Variants in NUP58 observed in about 807,000 individuals in gnomAD.
NUP58 encodes nucleoporin p58/p45.
A neutral mutation model predicts 70.1 loss-of-function variants in NUP58; 17 were observed. That is an observed-to-expected ratio of 0.24 (90% CI 0.17 to 0.36). The LOEUF (loss-of-function observed/expected upper bound fraction) is 0.36. Among genes scored for constraint, NUP58 ranks in the 10% least tolerant of loss-of-function variants. The pLI is 1.00. For synonymous variants in NUP58, 275 were observed against 257.6 expected (o/e 1.07, Z -0.65); for missense variants, 644 against 701.5 (o/e 0.92, Z 0.93).
chr13:25,307,556 G>A (rs1430089365), intron 1 of NUP58, among the ~76,000 whole-genome samples: 1 of 152,058 alleles, frequency 6.6e-6, no homozygotes, highest in Non-Finnish European at 1.5e-5. Context: ...TTTACATGTG[G>A]ATTTATTTTT....
At chr13:25,307,562 T>A (rs2030434680) in intron 1 of NUP58, among the ~76,000 whole-genome samples, 1 of 151,190 alleles carries the variant, frequency 6.6e-6, no homozygotes, top group Non-Finnish European at 1.5e-5. Context: ...TGTGGATTTA[T>A]TTTTTTTTAA....
At chr13:25,335,645 G>A (rs1158173555) in intron 13 of NUP58, 3 of 984,966 alleles carry the variant, frequency 3.0e-6, no homozygotes, top group Non-Finnish European at 3.6e-6. Flanking sequence ...TGTTTTCTGG[G>A]TTAGAAGCTA....
intron 10 of NUP58, among the ~76,000 whole-genome samples, chr13:25,325,817 C>T (rs556687021): frequency 6.8e-4 from 103 of 152,300 alleles, no homozygotes; most frequent in African/African-American, 2.4e-3. Flanking sequence ...GCCTCAGACT[C>T]CTAAAGTGCT....
At chr13:25,338,852 C>G in intron 15 of NUP58, 121 bp downstream of exon 15, 1 of 721,230 alleles carries the variant, frequency 1.4e-6, no homozygotes. Context: ...TTTTTACTCC[C>G]TGGATGAAGT....
At chr13:25,320,390 C>T in intron 7 of NUP58, 140 bp from the exon 8 acceptor site, 1 of 570,340 alleles carries the variant, frequency 1.8e-6, no homozygotes, top group Non-Finnish European at 3.1e-6. Context: ...TTATAAAGAG[C>T]TTTGAAATCA....
chr13:25,315,388 G>A lies in NUP58; in HGVS notation c.606G>A (p.Leu202=). 1.2e-6 allele frequency: 2 copies of A among 1,613,770 alleles called. No individual in the cohort carries two copies. The highest frequency in any genetic ancestry group is 8.5e-7 in the Non-Finnish European group (1 of 1,179,752). ...GACAGAATGCTTTAGGGTTGACTTT[G>A]GGAACTACAGCAGCTACTTCAACTG... The part of the protein sequence containing the change: ...GLGQNALGLT[L]GTTAATSTAG... The change falls in exon 6 of 16, where the codon TTG becomes TTA. Residue 202 remains leucine (L), a synonymous_variant. Transcript: ENST00000381736.
intron 2 of NUP58, among the ~76,000 whole-genome samples, chr13:25,309,005 A>G (rs1476128762): frequency 6.6e-6 from 1 of 152,210 alleles, no homozygotes; most frequent in African/African-American, 2.4e-5. Flanking sequence ...TTTTGTTATA[A>G]GCAATAGTTA....
At chr13:25,313,473 G>T in intron 4 of NUP58, 141 bp from the exon 5 acceptor site, 1 of 711,874 alleles carries the variant, frequency 1.4e-6, no homozygotes, top group South Asian at 2.9e-5. Flanking sequence ...TTATTCTTAA[G>T]TATGTAATTT....
chr13:25,329,789 T>C (rs926732677), intron 12 of NUP58, among the ~76,000 whole-genome samples: 3 of 152,164 alleles, frequency 2.0e-5, no homozygotes, highest in Admixed American at 2.0e-4. Flanking sequence ...TTATAAATCA[T>C]GGCTGATGTC....
rs2032069753 is a variant in NUP58, at chr13:25,347,968, GATA to G, written n.322-1589_322-1587del. ...GAACGAGAAATTCTTTTTAAATCCT[GATA>G]ATAAACATATTTTGTGGATATCTAT... On this transcript the variant is annotated intron_variant and non_coding_transcript_variant, in intron 3 of 3. Transcript: ENST00000477876. Among the ~76,000 whole-genome samples the G allele has an allele frequency of 2.0e-5, 3 of 152,298 alleles. No homozygotes were observed. The South Asian group carries it at 6.2e-4, about 32-fold the overall frequency.
Position 25,306,143 on chromosome 13 carries a change from C to G in NUP58, c.108-1663C>G, listed in dbSNP as rs552001072. ...TCTGCTGGCCGGGTGCGGTGGCTCA[C>G]GCCTGTAATCCCAGCACTTTGGGAG... On this transcript the variant is annotated intron_variant, in intron 1 of 15. Transcript: ENST00000381736. Among the ~76,000 whole-genome samples, 3 of 152,050 alleles carry G rather than the reference C, an allele frequency of 2.0e-5. No individual in the cohort carries two copies. The South Asian group carries it at 6.2e-4, about 31-fold the overall frequency.
At chr13:25,324,921 C>T (rs1258702408) in intron 9 of NUP58, 68 bp from the exon 10 acceptor site, 28 of 1,002,102 alleles carry the variant, frequency 2.8e-5, no homozygotes, top group South Asian at 1.1e-4. Flanking sequence ...TATTTTTTTT[C>T]GTACGGTATT....
At chr13:25,347,464 A>G (rs1342478807) in intron 3 of NUP58, among the ~76,000 whole-genome samples, 2 of 152,218 alleles carry the variant, frequency 1.3e-5, no homozygotes, top group African/African-American at 4.8e-5. Context: ...GGGTACAATA[A>G]GTAAATCTCC....
chr13:25,343,848 C>T (rs2032015023), downstream of NUP58, among the ~76,000 whole-genome samples: 1 of 145,544 alleles, frequency 6.9e-6, no homozygotes, highest in Admixed American at 6.9e-5. Context: ...TATACGCACA[C>T]ACACACATAC....
intron 7 of NUP58, among the ~76,000 whole-genome samples, chr13:25,320,077 C>A (rs1447119973): frequency 6.6e-6 from 1 of 152,046 alleles, no homozygotes; most frequent in African/African-American, 2.4e-5. Context: ...GAAGAACTAA[C>A]TGAAGTTATT....
intron 12 of NUP58, among the ~76,000 whole-genome samples, chr13:25,329,653 A>C (rs1001002738): frequency 5.9e-5 from 9 of 152,174 alleles, no homozygotes; most frequent in South Asian, 2.1e-4. Context: ...TTCTTGTAGA[A>C]ATCTCACAAG....
downstream of NUP58, among the ~76,000 whole-genome samples, chr13:25,342,913 C>A (rs547380778): frequency 1.3e-5 from 2 of 152,180 alleles, no homozygotes; most frequent in East Asian, 3.9e-4. Flanking sequence ...TCATCAGCAT[C>A]TTTCTGTGTC....
At chr13:25,319,083 T>A (rs9507499) in intron 6 of NUP58, among the ~76,000 whole-genome samples, 99,271 of 146,596 alleles carry the variant, frequency 0.68, 39,290 homozygotes, top group Non-Finnish European at 0.9. Flanking sequence ...GAAAGGGAAA[T>A]TCTTGCCCTT....
At position 25,341,816 on chromosome 13, in the gene NUP58, G is replaced by T. The variant is rs1169138442; in HGVS notation, c.*1682G>T. 3 of 152,498 alleles carry T rather than the reference G, an allele frequency of 2.0e-5. No individual in the cohort carries two copies. The highest frequency in any genetic ancestry group is 6.5e-5 in the Admixed American group (1 of 15,274). 9.4% of individuals were successfully genotyped at this position (152,498 alleles called of 1,614,324 possible). ...AAATAGTTTAATTTTTTATATAAAA[G>T]GTTTTGTATATAATGTGTGTCAGTG... On this transcript the variant is annotated 3_prime_UTR_variant, in exon 16 of 16. Coordinates refer to ENST00000381736, the MANE Select transcript of NUP58 (RefSeq NM_014089.4).
Sources: allele counts gnomAD v4.1 joint callset (sites outside exome capture counted in the v4.1 genomes callset), GRCh38; gene constraint gnomAD v4.1.1; transcripts MANE v1.5; gene names NCBI Gene and HGNC (gene_info 2026-07-23, HGNC 2026-07-21).